The following GCSAML variants were observed in gnomAD, a reference collection of about 807,000 sequenced individuals.
GCSAML encodes the protein germinal center-associated signaling and motility-like protein.
In GCSAML, 9 loss-of-function variants were observed where a neutral mutation model predicts 13.0. The ratio of observed to expected loss-of-function variants is 0.69; its 90% confidence interval spans 0.42 to 1.21. The LOEUF is 1.21. GCSAML is among the 50% of genes most tolerant of loss of function. The pLI is 0.00. For missense variants in GCSAML, 143 were observed against 153.4 expected (o/e 0.93, Z 0.36); for synonymous variants, 37 against 52.9 (o/e 0.70, Z 1.31).
rs760253262 is a variant in GCSAML, at chr1:247,532,297, A to C, written c.-148+5243A>C. ...TGGGACAATGCTCGTGGTGAAGCTC[A>C]TGTCCAGGAAGGGGAGGTTGGCAAG... On this transcript the variant is annotated intron_variant, in intron 2 of 5. Coordinates refer to the GCSAML transcript ENST00000366489. 1.1e-5 allele frequency: 18 copies of C among 1,614,210 alleles called. No individual in the cohort carries two copies. The East Asian group carries it at 3.8e-4, about 34-fold the overall frequency.
At chr1:247,552,479 G>C (rs1346574202) in intron 1 of GCSAML, among the ~76,000 whole-genome samples, 1 of 152,208 alleles carries the variant, frequency 6.6e-6, no homozygotes, top group African/African-American at 2.4e-5. Context: ...GGCTGCAGAT[G>C]AGTCTGGGGA....
intron 2 of GCSAML, among the ~76,000 whole-genome samples, chr1:247,540,103 G>A (rs1047098351): frequency 2.0e-5 from 3 of 152,030 alleles, no homozygotes; most frequent in African/African-American, 4.8e-5. Context: ...ACAGAGTCTC[G>A]CACTGTTGCC....
chr1:247,559,892 C>T (rs895640126), intron 2 of GCSAML, among the ~76,000 whole-genome samples: 1 of 152,112 alleles, frequency 6.6e-6, no homozygotes, highest in African/African-American at 2.4e-5. Context: ...ATCTTATGAC[C>T]TTGTTTTAAT....
intron 2 of GCSAML, among the ~76,000 whole-genome samples, chr1:247,556,976 C>T (rs981867394): frequency 6.6e-6 from 1 of 152,172 alleles, no homozygotes; most frequent in Non-Finnish European, 1.5e-5. Flanking sequence ...TACATGCATT[C>T]TCCTTTTATT....
chr1:247,562,634 G>A (rs1165566132), intron 2 of GCSAML, among the ~76,000 whole-genome samples: 1 of 152,102 alleles, frequency 6.6e-6, no homozygotes, highest in Non-Finnish European at 1.5e-5. Context: ...TGTCCTTGAG[G>A]CAGGCAGCTG....
At chr1:247,572,154 C>T (rs952105429) in intron 4 of GCSAML, among the ~76,000 whole-genome samples, 2 of 152,098 alleles carry the variant, frequency 1.3e-5, no homozygotes, top group African/African-American at 4.8e-5. Flanking sequence ...GAACATGCTC[C>T]TTTAGATCGG....
chr1:247,514,323 CT>C (rs1324150838), intron 1 of GCSAML, among the ~76,000 whole-genome samples: 1 of 152,040 alleles, frequency 6.6e-6, no homozygotes, highest in African/African-American at 2.4e-5. Context: ...CTTTAGCCCA[CT>C]TTTTTTTCTC....
At chr1:247,509,622 G>A (rs1234824183) in intron 1 of GCSAML, among the ~76,000 whole-genome samples, 1 of 152,214 alleles carries the variant, frequency 6.6e-6, no homozygotes, top group Non-Finnish European at 1.5e-5. Context: ...TATTCAGTAT[G>A]ATAGTGGCTG....
At chr1:247,512,382 A>G (rs947130651) in intron 1 of GCSAML, among the ~76,000 whole-genome samples, 1 of 151,566 alleles carries the variant, frequency 6.6e-6, no homozygotes, top group African/African-American at 2.4e-5. Context: ...TCTTCTCTAA[A>G]CTGGTTATTC....
At chr1:247,555,654 G>A (rs1250722392) in intron 1 of GCSAML, among the ~76,000 whole-genome samples, 2 of 152,198 alleles carry the variant, frequency 1.3e-5, no homozygotes, top group Non-Finnish European at 2.9e-5. Flanking sequence ...AAGCTACCTA[G>A]AAGCAGAAGG....
rs568934497 is a variant in GCSAML at position 247,537,067 on chromosome 1, G to A, written c.-148+10013G>A. 1.7e-4 allele frequency among the ~76,000 whole-genome samples: 26 copies of A among 152,260 alleles called. No individual in the cohort carries two copies. In the South Asian group the frequency reaches 4.1e-3, roughly 24 times the overall value. Reference sequence around the variant, plus strand: ...GACTGTACCATCACCTCTATCAAGCGTCAGAACTTTTTCATCACCTCAAAT... The same window carrying A: ...GACTGTACCATCACCTCTATCAAGCATCAGAACTTTTTCATCACCTCAAAT... On this transcript the variant is annotated intron_variant, in intron 2 of 5. Transcript: ENST00000366489.
chr1:247,527,852 G>A lies in GCSAML; in HGVS notation c.-148+798G>A, dbSNP rs1243554350. ...TAGAACTTACTCCTCCAATGGAGCT[G>A]TAATTTTGTATCCTTTAACAAATCT... On this transcript the variant is annotated intron_variant, in intron 2 of 5. Coordinates refer to the GCSAML transcript ENST00000366489. This position sits in a 1 kb window ranked among gnomAD's most constrained non-coding sequence, Gnocchi z 4.6. 4 of 152,132 alleles carry A rather than the reference G, an allele frequency of 2.6e-5. No individual in the cohort carries two copies. The highest frequency in any genetic ancestry group is 9.7e-5 in the African/African-American group (4 of 41,428). The allele number at this position is 152,132 out of a possible 1,614,324, so 9.4% of individuals were successfully genotyped here. A position where few individuals can be genotyped will look rare whatever the true frequency, so the allele number is the denominator to read the frequency against.
At chr1:247,540,825 C>T (rs1667389636) in intron 2 of GCSAML, among the ~76,000 whole-genome samples, 1 of 152,206 alleles carries the variant, frequency 6.6e-6, no homozygotes, top group Non-Finnish European at 1.5e-5. Context: ...ACGTAGAATA[C>T]AATCACTCCA....
chr1:247,549,083 T>C (rs775828559), upstream of GCSAML: 9 of 1,609,704 alleles, frequency 5.6e-6, no homozygotes, highest in Non-Finnish European at 7.6e-6. Context: ...CACGAACCCG[T>C]GGTCAGATGC....
At chr1:247,563,147 C>T in intron 2 of GCSAML, among the ~76,000 whole-genome samples, 1 of 152,106 alleles carries the variant, frequency 6.6e-6, no homozygotes, top group Non-Finnish European at 1.5e-5. Context: ...CCCACCCGGC[C>T]ACCACACTTA....
chr1:247,531,854 C>T (rs776976495), intron 2 of GCSAML: 15 of 1,614,088 alleles, frequency 9.3e-6, no homozygotes, highest in Admixed American at 5.0e-5. Context: ...GCAATGTGGC[C>T]GTAAGAGACC....
chr1:247,559,670 CT>C (rs1668059114), intron 2 of GCSAML, among the ~76,000 whole-genome samples: 1 of 152,132 alleles, frequency 6.6e-6, no homozygotes, highest in Non-Finnish European at 1.5e-5. Context: ...GACTGGGTGG[CT>C]TAAAGAACCA....
intron 4 of GCSAML, 45 bp downstream of exon 4, chr1:247,566,004 T>C (rs1668339723): frequency 3.6e-6 from 5 of 1,394,992 alleles, no homozygotes; most frequent in Non-Finnish European, 4.9e-6. Context: ...ACACAAACTT[T>C]TATTATGTTT....
chr1:247,546,449 T>C (rs577268999), upstream of GCSAML, among the ~76,000 whole-genome samples: 359 of 152,048 alleles, frequency 2.4e-3, no homozygotes, highest in African/African-American at 7.4e-3. Context: ...AACTCCGCCT[T>C]CCGGGTTCAC....
Sources: allele counts gnomAD v4.1 joint callset (sites outside exome capture counted in the v4.1 genomes callset), GRCh38; gene constraint gnomAD v4.1.1; non-coding constraint Gnocchi (gnomAD v3.1); transcripts MANE v1.5; gene names NCBI Gene and HGNC (gene_info 2026-07-23, HGNC 2026-07-21).